SPEF1: variants seen among roughly 807,000 people sequenced by gnomAD.
The protein encoded by SPEF1 is sperm flagella and cilia-associated protein 1.
In SPEF1, 30 loss-of-function variants were observed where a neutral mutation model predicts 31.8. That is an observed-to-expected ratio of 0.94 (90% CI 0.70 to 1.28). The LOEUF (loss-of-function observed/expected upper bound fraction) is 1.28. Among genes scored for constraint, SPEF1 ranks in the 50% most tolerant of loss-of-function variants. The probability of loss-of-function intolerance (pLI) is 0.00; values close to 1 mark genes in which losing one functional copy is unlikely to be tolerated. For missense variants in SPEF1, 298 were observed against 309.6 expected (o/e 0.96, Z 0.28); for synonymous variants, 126 against 130.1 (o/e 0.97, Z 0.21).
At chr20:3,778,379 C>T (rs2146634857) in intron 6 of SPEF1, 42 bp downstream of exon 6, 1 of 1,613,578 alleles carries the variant, frequency 6.2e-7, no homozygotes, top group South Asian at 1.1e-5. Context: ...CCGGCCTCTG[C>T]TGGCCGCGAG....
rs756877267 is a variant in SPEF1 at position 3,778,244 on chromosome 20, G to T, written c.679C>A (p.Arg227=). 11 of 1,606,132 alleles carry T rather than the reference G, an allele frequency of 6.8e-6. No individual in the cohort carries two copies. The highest frequency in any genetic ancestry group is 9.4e-6 in the Non-Finnish European group (11 of 1,176,314). Reference sequence around the variant, plus strand: ...TGCTTACGCTCCGCCTGCTGGAGCCGCCGGGAGAGGTCTTCGATCCGCACA... The same window carrying T: ...TGCTTACGCTCCGCCTGCTGGAGCCTCCGGGAGAGGTCTTCGATCCGCACA... ...KNVRIEDLSR[R]LQQAERKQR Residue 227 remains arginine, a synonymous_variant, in exon 7 of 7, where the codon CGG becomes AGG. Coordinates refer to ENST00000379756, the MANE Select transcript of SPEF1 (RefSeq NM_015417.5).
At chr20:3,780,434 A>T (rs989273997) in intron 1 of SPEF1, among the ~76,000 whole-genome samples, 1 of 147,316 alleles carries the variant, frequency 6.8e-6, no homozygotes, top group African/African-American at 2.4e-5. Context: ...ACACACACAC[A>T]CACACACACA....
rs368388470 is a variant in SPEF1, at chr20:3,778,773, G to C, written c.452C>G (p.Pro151Arg). 2.5e-6 allele frequency: 4 copies of C among 1,613,864 alleles called. No individual in the cohort carries two copies. The highest frequency in any genetic ancestry group is 3.4e-6 in the Non-Finnish European group (4 of 1,179,916). Reference sequence around the variant, plus strand: ...GAGCTGACCCCCTCCCTGGGGGTCCGGGACACCTTCACCTCGGGCCTTCTG... The same window carrying C: ...GAGCTGACCCCCTCCCTGGGGGTCCCGGACACCTTCACCTCGGGCCTTCTG... ...VSQKARGEGVPDPQGGGQLSW... is the reference protein window; with the variant it reads ...VSQKARGEGVRDPQGGGQLSW... Residue 151 changes from proline to arginine, a missense_variant, in exon 5 of 7, where the codon CCG (proline) becomes CGG (arginine). Transcript: ENST00000379756.
chr20:3,777,837 A>G lies in SPEF1; in HGVS notation c.*375T>C, dbSNP rs951973137. 1.6e-5 allele frequency: 3 copies of G among 190,046 alleles called. No homozygotes were observed. The highest frequency in any genetic ancestry group is 2.2e-5 in the Non-Finnish European group (2 of 92,656). 11.8% of individuals were successfully genotyped at this position (190,046 alleles called of 1,614,324 possible). The stretch of plus-strand genomic sequence containing the variant: ...CGGGGACCTGATTCTGGGGGTGTGG[A>G]CAGAGCCAAGGGACCGCCCCCCAAG... On this transcript the variant is annotated 3_prime_UTR_variant, in exon 7 of 7. Transcript: ENST00000379756. The surrounding 1 kb of genome is among the most constrained non-coding windows in gnomAD (Gnocchi z 4.1).
intron 2 of SPEF1, 54 bp from the exon 3 acceptor site, chr20:3,779,406 G>C (rs1170074652): frequency 4.1e-6 from 6 of 1,478,962 alleles, no homozygotes; most frequent in Non-Finnish European, 5.6e-6. Flanking sequence ...TGAAGCGAGG[G>C]GATGGGGGAG....
chr20:3,778,540 C>T lies in SPEF1; in HGVS notation c.484G>A (p.Asp162Asn), dbSNP rs749842829. Residue 162 changes from aspartate (D) to asparagine (N), a missense_variant, in exon 6 of 7, where the codon GAC becomes AAC. Coordinates refer to ENST00000379756, the MANE Select transcript of SPEF1 (RefSeq NM_015417.5). ...DPQGGGQLSW[D>N]RPPAPRPPAY... The stretch of plus-strand genomic sequence containing the variant: ...GGAGGCCGAGGCGCCGGCGGCCGGT[C>T]CCAGCTGGGGTGGGAAGCAGCTTAG... 1.9e-6 allele frequency: 3 copies of T among 1,606,458 alleles called. No individual in the cohort carries two copies. The highest frequency in any genetic ancestry group is 2.5e-6 in the Non-Finnish European group (3 of 1,177,946).
chr20:3,779,429 A>G (rs1265097051), intron 2 of SPEF1, 77 bp from the exon 3 acceptor site: 3 of 1,284,460 alleles, frequency 2.3e-6, no homozygotes, highest in Middle Eastern at 2.1e-4. Context: ...GGAAGGGGGC[A>G]TGGTGGTTGC....
Position 3,778,753 on chromosome 20 carries a change from G to C in SPEF1, c.472C>G (p.Gln158Glu). The change falls in exon 5 of 7, where the codon CAG becomes GAG. Residue 158 changes from glutamine to glutamate, a missense_variant. Coordinates refer to ENST00000379756, the MANE Select transcript of SPEF1 (RefSeq NM_015417.5). ...EGVPDPQGGG[Q>E]LSWDRPPAPR... is the part of the protein sequence containing the mutation. Reference sequence around the variant, plus strand: ...AACTCCCAGCTTCTTTACCTGAGCTGACCCCCTCCCTGGGGGTCCGGGACA... The same window carrying C: ...AACTCCCAGCTTCTTTACCTGAGCTCACCCCCTCCCTGGGGGTCCGGGACA... 1.2e-6 allele frequency: 2 copies of C among 1,613,766 alleles called. No homozygotes were observed. The highest frequency in any genetic ancestry group is 1.7e-6 in the Non-Finnish European group (2 of 1,179,866).
chr20:3,778,445 C>T lies in SPEF1; in HGVS notation c.579G>A (p.Leu193=), dbSNP rs1354226919. The T allele has an allele frequency of 6.2e-7, 1 of 1,613,952 alleles. No homozygotes were observed. The highest frequency in any genetic ancestry group is 2.2e-5 in the East Asian group (1 of 44,868). The change falls in exon 6 of 7, where the codon CTG becomes CTA. Residue 193 remains leucine, a synonymous_variant. Coordinates refer to ENST00000379756, the MANE Select transcript of SPEF1 (RefSeq NM_015417.5). ...VLQIAEKEQE[L]LASQETVQVL... ...CCTGCACGGTCTCTTGAGAGGCCAA[C>T]AGCTCCTGCTCCTTTTCAGCGATCT... is the stretch of plus-strand genomic sequence containing the variant.
chr20:3,778,225 C>G lies in SPEF1; in HGVS notation c.698G>C (p.Arg233Pro). Reference protein sequence around the residue: ...DLSRRLQQAERKQR With the variant: ...DLSRRLQQAEPKQR ...CCGGGCCGCCGCTCACCGCTGCTTA[C>G]GCTCCGCCTGCTGGAGCCGCCGGGA... The change falls in exon 7 of 7, where the codon CGT becomes CCT. Residue 233 changes from arginine to proline, a missense_variant. Arg to Pro is a moderately radical substitution (Grantham distance 103). Coordinates refer to ENST00000379756, the MANE Select transcript of SPEF1 (RefSeq NM_015417.5). 1.3e-6 allele frequency: 2 copies of G among 1,594,530 alleles called. No homozygotes were observed. Among genetic ancestry groups the G allele is most frequent in the Non-Finnish European group, 1.7e-6 (2 of 1,170,590 alleles).
chr20:3,781,355 G>T lies in SPEF1; in HGVS notation c.-68C>A. 6.4e-7 allele frequency: 1 copy of T among 1,556,780 alleles called. No individual in the cohort carries two copies. The highest frequency in any genetic ancestry group is 1.2e-5 in the South Asian group (1 of 86,348). ...GCCCCAGCCTCACGACCCTTCAGGC[G>T]CTTCCTTTCTCGCCACTGCAGAAGC... On this transcript the variant is annotated 5_prime_UTR_variant, in exon 1 of 7. Transcript: ENST00000379756.
rs763889031 is a variant in SPEF1, at chr20:3,778,826, G to T, written c.419-20C>A. 1 of 1,613,826 alleles carries T rather than the reference G, an allele frequency of 6.2e-7. No individual in the cohort carries two copies. The highest frequency in any genetic ancestry group is 8.5e-7 in the Non-Finnish European group (1 of 1,179,804). ...ATACACCTGAGACAAGGCAAGTGGA[G>T]GAATGACTGTGCTGGAGTCTCATTC... On this transcript the variant is annotated intron_variant, in intron 4 of 6. Transcript: ENST00000379756.
rs149303809 is a variant in SPEF1 at position 3,779,510 on chromosome 20, G to C, written c.221+154C>G. On this transcript the variant is annotated intron_variant, in intron 2 of 6. Coordinates refer to ENST00000379756, the MANE Select transcript of SPEF1 (RefSeq NM_015417.5). ...GAGCTTCCTTGTGTGGGTGTTCCGA[G>C]GTTCCTTGCCTCCTTCCTAATAGAA... 1.8e-3 allele frequency among the ~76,000 whole-genome samples: 270 copies of C among 152,296 alleles called. 1 individual carries two copies. The highest frequency in any genetic ancestry group is 6.2e-3 in the African/African-American group (256 of 41,546).
chr20:3,779,805 T>C, intron 1 of SPEF1, 30 bp from the exon 2 acceptor site: 1 of 773,240 alleles, frequency 1.3e-6, no homozygotes, highest in East Asian at 5.3e-5. Context: ...ACATGGAAAG[T>C]GGGGGCATGG....
Position 3,779,523 on chromosome 20 carries a change from C to T in SPEF1, c.221+141G>A, listed in dbSNP as rs949163538. The T allele has an allele frequency of 2.6e-5, 23 of 871,392 alleles. No homozygotes were observed. The African/African-American group carries it at 3.7e-4, about 14-fold the overall frequency. The allele number at this position is 871,392 out of a possible 1,614,324, so 54.0% of individuals were successfully genotyped here. A position where few individuals can be genotyped will look rare whatever the true frequency, so the allele number is the denominator to read the frequency against. On this transcript the variant is annotated intron_variant, in intron 2 of 6. Coordinates refer to ENST00000379756, the MANE Select transcript of SPEF1 (RefSeq NM_015417.5). Reference sequence around the variant, plus strand: ...TGGGTGTTCCGAGGTTCCTTGCCTCCTTCCTAATAGAAGAGTCTCTTGATT... The same window carrying T: ...TGGGTGTTCCGAGGTTCCTTGCCTCTTTCCTAATAGAAGAGTCTCTTGATT...
chr20:3,778,534 G>T lies in SPEF1; in HGVS notation c.490C>A (p.Pro164Thr). The T allele has an allele frequency of 6.2e-7, 1 of 1,606,912 alleles. No homozygotes were observed. ...QGGGQLSWDR[P>T]PAPRPPAYNR... ...TACGCTGGAGGCCGAGGCGCCGGCG[G>T]CCGGTCCCAGCTGGGGTGGGAAGCA... Residue 164 changes from proline (P) to threonine (T), a missense_variant, in exon 6 of 7, where the codon CCG becomes ACG. Pro to Thr is a conservative substitution (Grantham distance 38, BLOSUM62 -1). Coordinates refer to ENST00000379756, the MANE Select transcript of SPEF1 (RefSeq NM_015417.5).
intron 4 of SPEF1, 34 bp from the exon 5 acceptor site, chr20:3,778,840 G>T (rs1224394067): frequency 1.2e-6 from 2 of 1,612,392 alleles, no homozygotes; most frequent in African/African-American, 2.7e-5. Flanking sequence ...TGACTGTGCT[G>T]GAGTCTCATT....
Position 3,779,211 on chromosome 20 carries a change from G to A in SPEF1, c.363C>T (p.Gly121=). Residue 121 remains glycine, a synonymous_variant, in exon 3 of 7, where the codon GGC becomes GGT. Coordinates refer to ENST00000379756, the MANE Select transcript of SPEF1 (RefSeq NM_015417.5). ...LEERQRRRKQ[G]AGSLQELAPQ... ...GGGGTGGCACCTGTAAGGAGCCGGC[G>A]CCCTGCTTCCTGCGCCTCTGCCTCT... is the stretch of plus-strand genomic sequence containing the variant. 2.5e-6 allele frequency: 4 copies of A among 1,577,252 alleles called. No homozygotes were observed. The South Asian group carries it at 3.4e-5, about 14-fold the overall frequency.
chr20:3,778,789 G>T lies in SPEF1; in HGVS notation c.436C>A (p.Arg146=). Residue 146 remains arginine, a synonymous_variant, in exon 5 of 7, where the codon CGA becomes AGA. Transcript: ENST00000379756. ...TGGGGGTCCGGGACACCTTCACCTC[G>T]GGCCTTCTGGGATACACCTGAGACA... ...YMDVGVSQKA[R]GEGVPDPQGG... 1 of 1,613,958 alleles carries T rather than the reference G, an allele frequency of 6.2e-7. No individual in the cohort carries two copies. The highest frequency in any genetic ancestry group is 8.5e-7 in the Non-Finnish European group (1 of 1,179,966).
Sources: allele counts gnomAD v4.1 joint callset (sites outside exome capture counted in the v4.1 genomes callset), GRCh38; gene constraint gnomAD v4.1.1; non-coding constraint Gnocchi (gnomAD v3.1); transcripts MANE v1.5; gene names NCBI Gene and HGNC (gene_info 2026-07-23, HGNC 2026-07-21).